The following C3orf52 variants were observed in gnomAD, a reference collection of about 807,000 sequenced individuals.
C3orf52 encodes the protein chromosome 3 open reading frame 52.
C3orf52 carries 22 observed loss-of-function variants against 24.8 expected under a neutral mutation model. That is an observed-to-expected ratio of 0.89 (90% confidence interval 0.63 to 1.27). C3orf52 has a LOEUF of 1.27. C3orf52 is among the 50% of genes most tolerant of loss of function. The pLI is 0.00. For missense variants in C3orf52, 265 were observed against 260.7 expected (o/e 1.02, Z -0.11); for synonymous variants, 93 against 100.2 (o/e 0.93, Z 0.43).
intron 3 of C3orf52, among the ~76,000 whole-genome samples, chr3:112,106,465 G>T (rs765693457): frequency 6.6e-6 from 1 of 152,018 alleles, no homozygotes; most frequent in African/African-American, 2.4e-5. Context: ...CCAGCAGCCC[G>T]CCAAGAGTTG....
chr3:112,125,481 G>C (rs1354170788), intron 4 of C3orf52, among the ~76,000 whole-genome samples: 1 of 152,110 alleles, frequency 6.6e-6, no homozygotes, highest in Non-Finnish European at 1.5e-5. Context: ...GACACATTTG[G>C]TTAGTCTTTG....
At chr3:112,133,400 C>G, downstream of C3orf52, 1 of 395,510 alleles carries the variant, frequency 2.5e-6, no homozygotes, top group Non-Finnish European at 4.6e-6. Flanking sequence ...AGCTTCGAAC[C>G]TCTGGGGAAT....
chr3:112,109,482 G>T, intron 3 of C3orf52, 61 bp from the exon 4 acceptor site: 2 of 1,069,766 alleles, frequency 1.9e-6, no homozygotes, highest in East Asian at 2.5e-5. Context: ...TGCTTTGTCA[G>T]GTGATGTGTA....
At chr3:112,098,293 A>G (rs1406573638) in intron 2 of C3orf52, among the ~76,000 whole-genome samples, 1 of 152,180 alleles carries the variant, frequency 6.6e-6, no homozygotes, top group African/African-American at 2.4e-5. Flanking sequence ...TGCCAACTTC[A>G]TTATACTCTT....
downstream of C3orf52, among the ~76,000 whole-genome samples, chr3:112,119,148 C>A (rs974172080): frequency 6.6e-6 from 1 of 151,992 alleles, no homozygotes; most frequent in East Asian, 1.9e-4. Flanking sequence ...TTTGGGAGGC[C>A]GAGGCAGGCA....
At chr3:112,120,323 A>G (rs541336477), downstream of C3orf52, among the ~76,000 whole-genome samples, 42 of 152,310 alleles carry the variant, frequency 2.8e-4, no homozygotes, top group Non-Finnish European at 1.5e-5. Flanking sequence ...TGTTCTGTCC[A>G]TGCCCTTCCC....
downstream of C3orf52, chr3:112,130,214 G>C (rs1435261134): frequency 1.8e-6 from 1 of 552,900 alleles, no homozygotes; most frequent in African/African-American, 1.9e-5. Flanking sequence ...GGACTAGCAG[G>C]GTCTTAGTTC....
At chr3:112,099,158 G>C (rs1196308649) in intron 2 of C3orf52, among the ~76,000 whole-genome samples, 1 of 152,094 alleles carries the variant, frequency 6.6e-6, no homozygotes, top group Non-Finnish European at 1.5e-5. Context: ...TAAGTTTCCT[G>C]AGGGCTCCCA....
At chr3:112,115,211 C>T (rs1461813752) in intron 5 of C3orf52, among the ~76,000 whole-genome samples, 2 of 152,146 alleles carry the variant, frequency 1.3e-5, no homozygotes, top group Non-Finnish European at 2.9e-5. Flanking sequence ...ATGTGAGTGT[C>T]ACTGCCCTCT....
chr3:112,128,924 A>G (rs1465895941), downstream of C3orf52: 1 of 152,238 alleles, frequency 6.6e-6, no homozygotes, highest in Non-Finnish European at 1.5e-5. Context: ...GGAAAACACC[A>G]TCCAAAAATA....
chr3:112,129,874 C>G (rs887852589), downstream of C3orf52: 4 of 152,446 alleles, frequency 2.6e-5, no homozygotes, highest in African/African-American at 7.2e-5. Flanking sequence ...CTTGTCAGCC[C>G]TTAGGATTCT....
At chr3:112,119,248 G>A (rs576171430), downstream of C3orf52, among the ~76,000 whole-genome samples, 8 of 152,170 alleles carry the variant, frequency 5.3e-5, no homozygotes, top group East Asian at 1.9e-4. Flanking sequence ...GGTGGCAGGC[G>A]CCTGTAATCC....
At position 112,117,017 on chromosome 3, in the gene C3orf52, A is replaced by G. The variant is rs964274267; in HGVS notation, c.*371A>G. Reference sequence around the variant, plus strand: ...CGCTTAGCTGGAGTGCGGTGGCGTGATCATGGCACTGCTATTCTTGAAGCA... The same window carrying G: ...CGCTTAGCTGGAGTGCGGTGGCGTGGTCATGGCACTGCTATTCTTGAAGCA... On this transcript the variant is annotated 3_prime_UTR_variant, in exon 6 of 6. Transcript: ENST00000264848. 1 of 1,190,502 alleles carries G rather than the reference A, an allele frequency of 8.4e-7. No homozygotes were observed. Among genetic ancestry groups the G allele is most frequent in the Non-Finnish European group, 1.2e-6 (1 of 852,076 alleles). 73.7% of individuals were successfully genotyped at this position (1,190,502 alleles called of 1,614,324 possible).
rs1018398376 is a variant in C3orf52, at chr3:112,117,337, C to T, written c.*691C>T. The T allele has an allele frequency of 8.6e-6, 2 of 232,278 alleles. No homozygotes were observed. The highest frequency in any genetic ancestry group is 4.5e-5 in the African/African-American group (2 of 44,490). The allele number at this position is 232,278 out of a possible 1,614,324, so 14.4% of individuals were successfully genotyped here. On this transcript the variant is annotated 3_prime_UTR_variant, in exon 6 of 6. Coordinates refer to ENST00000264848, the MANE Select transcript of C3orf52 (RefSeq NM_024616.3). ...AGCCAGCCAGCCTTAGGAACACCAC[C>T]AAGGTTACTTTGAAATCTATGTATA...
chr3:112,086,539 G>A lies in C3orf52; in HGVS notation c.132G>A (p.Pro44=), dbSNP rs991729066. 5.2e-6 allele frequency: 8 copies of A among 1,550,848 alleles called. No homozygotes were observed. The highest frequency in any genetic ancestry group is 1.4e-5 in the African/African-American group (1 of 73,110). ...CTTCTTTGGACGAGGAGGTCCCCCC[G>A]GCCGAGGTAAGGTCCCCTTGGCGCT... ...VFPSLDEEVP[P]AEANKESPWS... The change falls in exon 1 of 6, where the codon CCG becomes CCA. Residue 44 remains proline (P), a synonymous_variant. Coordinates refer to ENST00000264848, the MANE Select transcript of C3orf52 (RefSeq NM_024616.3).
chr3:112,135,913 C>T (rs1347784102), downstream of C3orf52, among the ~76,000 whole-genome samples: 1 of 152,154 alleles, frequency 6.6e-6, no homozygotes, highest in Non-Finnish European at 1.5e-5. Context: ...TCCCACCTAA[C>T]CTTTGCTGTC....
At chr3:112,130,458 G>A (rs1309230767), downstream of C3orf52, 1 of 1,613,960 alleles carries the variant, frequency 6.2e-7, no homozygotes, top group East Asian at 2.2e-5. Flanking sequence ...GATGTTCTCT[G>A]TTTGGGGCTT....
intron 4 of C3orf52, chr3:112,125,161 T>G: frequency 9.5e-7 from 1 of 1,047,356 alleles, no homozygotes; most frequent in South Asian, 1.3e-5. Flanking sequence ...CAACTTCTCC[T>G]GCCATTTAGG....
downstream of C3orf52, chr3:112,119,413 T>G (rs1276704161): frequency 2.9e-6 from 2 of 700,324 alleles, no homozygotes; most frequent in Non-Finnish European, 5.2e-6. Context: ...AACAGTAGGG[T>G]TGCGGGTGGT....
Sources: allele counts gnomAD v4.1 joint callset (sites outside exome capture counted in the v4.1 genomes callset), GRCh38; gene constraint gnomAD v4.1.1; transcripts MANE v1.5; gene names NCBI Gene and HGNC (gene_info 2026-07-23, HGNC 2026-07-21).